CCDC34: variants seen among roughly 807,000 people sequenced by gnomAD.
CCDC34 encodes coiled-coil domain-containing protein 34.
CCDC34 carries 40 observed loss-of-function variants against 44.1 expected under a neutral mutation model. The observed-to-expected ratio is 0.91, with a 90% CI of 0.70 to 1.18. The LOEUF is 1.18. Among genes scored for constraint, CCDC34 ranks in the 50% most tolerant of loss-of-function variants. The probability of loss-of-function intolerance (pLI) is 0.00; values close to 1 mark genes in which losing one functional copy is unlikely to be tolerated. For missense variants in CCDC34, 466 were observed against 452.3 expected, an observed-to-expected ratio of 1.03 and a Z score of -0.28; for synonymous variants, 159 against 158.2, an observed-to-expected ratio of 1.01 and a Z score of -0.04.
chr11:27,358,029 A>C lies in CCDC34; in HGVS notation c.360-488T>G, dbSNP rs139237945. On this transcript the variant is annotated intron_variant, in intron 1 of 5. Transcript: ENST00000328697. ...AGGGACTGTGGGTGAAGGGTAAATG[A>C]AAGTTCTTTATATTATTTCACCTTT... 2.6e-5 allele frequency among the ~76,000 whole-genome samples: 4 copies of C among 152,364 alleles called. No individual in the cohort carries two copies. In the East Asian group the frequency reaches 7.7e-4, roughly 29 times the overall value.
At chr11:27,349,350 TTATAAC>T in intron 3 of CCDC34, 1 of 894,122 alleles carries the variant, frequency 1.1e-6, no homozygotes, top group Non-Finnish European at 1.3e-6. Flanking sequence ...ACAAATATGG[TTATAAC>T]ACACATACAT....
rs773441723 is a variant in CCDC34, at chr11:27,363,173, C to A, written c.22G>T (p.Gly8Trp). ...GCGTAGGAAGAGGGAAAAGTAGGCC[C>A]CCAGCGCCCCGCCGCCCACATCTGG... MWAAGRW[G>W]PTFPSSYAGF... is the part of the protein sequence containing the mutation. Residue 8 changes from glycine (G) to tryptophan (W), a missense_variant, in exon 1 of 6, where the codon GGG (glycine) becomes TGG (tryptophan). Gly to Trp is a radical substitution (Grantham distance 184). Coordinates refer to ENST00000328697, the MANE Select transcript of CCDC34 (RefSeq NM_030771.2). 1.3e-6 allele frequency: 2 copies of A among 1,490,316 alleles called. No homozygotes were observed. Among genetic ancestry groups the A allele is most frequent in the Non-Finnish European group, 1.8e-6 (2 of 1,126,492 alleles). The allele number at this position is 1,490,316 out of a possible 1,614,324, so 92.3% of individuals were successfully genotyped here.
intron 3 of CCDC34, chr11:27,348,987 T>C (rs1320419537): frequency 1.2e-5 from 12 of 984,918 alleles, no homozygotes; most frequent in Non-Finnish European, 1.3e-5. Context: ...TAATTTTTTT[T>C]TTCTTCAAAT....
chr11:27,343,396 C>T (rs947035365), intron 3 of CCDC34, among the ~76,000 whole-genome samples: 17 of 135,114 alleles, frequency 1.3e-4, no homozygotes, highest in South Asian at 2.6e-4. Flanking sequence ...AGCAAGACTC[C>T]GTCTCAAAAA....
intron 2 of CCDC34, among the ~76,000 whole-genome samples, chr11:27,356,349 A>T (rs1862577329): frequency 6.6e-6 from 1 of 152,040 alleles, no homozygotes; most frequent in African/African-American, 2.4e-5. Flanking sequence ...AACAGTTACT[A>T]ATAGACTGAA....
At chr11:27,353,397 A>G (rs1320962575) in intron 2 of CCDC34, among the ~76,000 whole-genome samples, 1 of 151,770 alleles carries the variant, frequency 6.6e-6, no homozygotes, top group African/African-American at 2.4e-5. Context: ...ATAATATTAA[A>G]GCAAATATTA....
chr11:27,346,080 A>G (rs191308066), intron 3 of CCDC34, among the ~76,000 whole-genome samples: 186 of 152,310 alleles, frequency 1.2e-3, no homozygotes, highest in African/African-American at 4.2e-3. Flanking sequence ...AAAAAAACTG[A>G]AATATGGAAA....
intron 2 of CCDC34, among the ~76,000 whole-genome samples, chr11:27,352,149 G>A (rs1302213684): frequency 1.3e-5 from 2 of 152,150 alleles, no homozygotes; most frequent in African/African-American, 4.8e-5. Context: ...TTGGGAAGCT[G>A]AAGCGGATGG....
intron 3 of CCDC34, among the ~76,000 whole-genome samples, chr11:27,344,805 C>T (rs1441106038): frequency 6.6e-6 from 1 of 151,924 alleles, no homozygotes; most frequent in Admixed American, 6.6e-5. Flanking sequence ...TAGTGCCAAG[C>T]ACTATTAGGA....
At chr11:27,349,750 C>A (rs899866420) in intron 3 of CCDC34, 4 of 954,198 alleles carry the variant, frequency 4.2e-6, no homozygotes, top group Non-Finnish European at 5.0e-6. Flanking sequence ...ATATATCATG[C>A]GCAGGTATTC....
chr11:27,346,423 C>T (rs1205042900), intron 3 of CCDC34, among the ~76,000 whole-genome samples: 1 of 101,986 alleles, frequency 9.8e-6, no homozygotes, highest in Non-Finnish European at 1.8e-5. Context: ...GAGAGGGAAA[C>T]AGGAGGGGAG....
chr11:27,362,844 C>A lies in CCDC34; in HGVS notation c.351G>T (p.Gly117=). ...VASLRGMELQ[G]CASTQVESEN... ...GGCGGCCTCGGGTTTACCTGGCGCA[C>A]CCCTGTAACTCCATTCCTCTCAGGC... is the stretch of plus-strand genomic sequence containing the variant. Residue 117 remains glycine, a synonymous_variant, in exon 1 of 6, where the codon GGG becomes GGT. Coordinates refer to ENST00000328697, the MANE Select transcript of CCDC34 (RefSeq NM_030771.2). 1 of 1,613,258 alleles carries A rather than the reference C, an allele frequency of 6.2e-7. No homozygotes were observed. The highest frequency in any genetic ancestry group is 8.5e-7 in the Non-Finnish European group (1 of 1,179,314).
chr11:27,350,002 G>A (rs1862482710), intron 3 of CCDC34: 4 of 1,182,614 alleles, frequency 3.4e-6, no homozygotes, highest in African/African-American at 3.2e-5. Flanking sequence ...GATTTACGAA[G>A]GAGAAATGGG....
At chr11:27,350,264 G>T (rs1565059815) in intron 3 of CCDC34, 68 bp downstream of exon 3, 2 of 1,606,936 alleles carry the variant, frequency 1.2e-6, no homozygotes, top group South Asian at 2.3e-5. Context: ...CCTAGGTAAT[G>T]AAGTATAATA....
chr11:27,357,637 T>C (rs550549617), intron 1 of CCDC34, 96 bp from the exon 2 acceptor site: 281 of 1,029,300 alleles, frequency 2.7e-4, no homozygotes, highest in Non-Finnish European at 3.4e-4. Context: ...AACTTAATAG[T>C]GTATTTTCAA....
chr11:27,340,572 ATCT>A, intron 5 of CCDC34, 121 bp downstream of exon 5: 1 of 969,740 alleles, frequency 1.0e-6, no homozygotes, highest in Non-Finnish European at 1.5e-6. Flanking sequence ...TTATAATATA[ATCT>A]TCTGGAAAAT....
intron 3 of CCDC34, 189 bp downstream of exon 3, chr11:27,350,143 G>T (rs760130773): frequency 1.2e-5 from 17 of 1,459,388 alleles, no homozygotes; most frequent in Non-Finnish European, 1.5e-5. Context: ...AGGGAAAAAG[G>T]AGAAAAGTAG....
Position 27,340,827 on chromosome 11 carries a change from T to G in CCDC34, c.776A>C (p.Lys259Thr). The change falls in exon 5 of 6, where the codon AAA (lysine) becomes ACA (threonine). Residue 259 changes from lysine to threonine, a missense_variant. Physicochemically the swap from Lys to Thr is moderately conservative, Grantham distance 78 (BLOSUM62 -1). Transcript: ENST00000328697. ...ERKKKEKEKE[K>T]QQQAEIQEKK... ...CTCCTGTATTTCAGCTTGCTGTTGT[T>G]TTTCTTTTTCCTTAAAATGACAAGA... 1 of 1,612,044 alleles carries G rather than the reference T, an allele frequency of 6.2e-7. No homozygotes were observed. Among genetic ancestry groups the G allele is most frequent in the Non-Finnish European group, 8.5e-7 (1 of 1,179,354 alleles).
rs953587971 is a variant in CCDC34, at chr11:27,339,034, A to T, written c.909T>A (p.Gly303=). Residue 303 remains glycine (G), a splice_region_variant and synonymous_variant, in exon 6 of 6, where the codon GGT becomes GGA. Coordinates refer to ENST00000328697, the MANE Select transcript of CCDC34 (RefSeq NM_030771.2). ...SYGYANGKLT[G]FYSGNSYPEP... ...CTGGATAGGAATTTCCACTGTAAAA[A>T]CCTAAAATTATTGAAAAATCAGATC... 6.9e-6 allele frequency: 11 copies of T among 1,597,110 alleles called. No individual in the cohort carries two copies. Among genetic ancestry groups the T allele is most frequent in the South Asian group, 1.2e-5 (1 of 86,862 alleles).
Sources: gnomAD v4.1 joint callset for allele counts (sites outside exome capture counted in the v4.1 genomes callset) on GRCh38, gnomAD v4.1.1 for gene constraint, MANE v1.5 for transcripts, NCBI Gene and HGNC (gene_info 2026-07-23, HGNC 2026-07-21) for gene names.